HNRNPA2B1: variants seen among roughly 807,000 people sequenced by gnomAD.
HNRNPA2B1 encodes the protein heterogeneous nuclear ribonucleoproteins A2/B1.
HNRNPA2B1 carries 3 observed loss-of-function variants against 46.3 expected under a neutral mutation model. That is an observed-to-expected ratio of 0.06 (90% CI 0.03 to 0.17). The LOEUF (loss-of-function observed/expected upper bound fraction) is 0.17, where lower values mean the gene tolerates loss of function less well. Ranked by LOEUF, HNRNPA2B1 falls within the 10% of genes least tolerant of loss-of-function variation. HNRNPA2B1 has a pLI of 1.00. For missense variants in HNRNPA2B1, 221 were observed against 418.9 expected (o/e 0.53, Z 4.12); for synonymous variants, 225 against 133.8 (o/e 1.68, Z -4.70).
At chr7:26,195,791 A>G in intron 7 of HNRNPA2B1, 56 bp downstream of exon 7, 2 of 1,569,670 alleles carry the variant, frequency 1.3e-6, no homozygotes, top group South Asian at 1.2e-5. Context: ...AAGTAAATAT[A>G]CGATATAGTT....
intron 1 of HNRNPA2B1, chr7:26,198,814 C>G (rs1400077902): frequency 6.6e-6 from 1 of 152,196 alleles, no homozygotes; most frequent in Non-Finnish European, 1.5e-5. Context: ...AATTTTCAAT[C>G]AATTATTTTT....
intron 10 of HNRNPA2B1, 32 bp from the exon 11 acceptor site, chr7:26,192,370 A>AG: frequency 1.4e-6 from 1 of 701,324 alleles, no homozygotes; most frequent in East Asian, 2.5e-5. Context: ...GTAAAAAAAA[A>AG]ATAGGTTATG....
At chr7:26,195,699 T>C in intron 7 of HNRNPA2B1, 148 bp downstream of exon 7, 2 of 803,788 alleles carry the variant, frequency 2.5e-6, no homozygotes, top group East Asian at 2.9e-5. Context: ...ATGGCAAAAC[T>C]ACTTAGAAAT....
chr7:26,196,724 C>T (rs992152361), intron 4 of HNRNPA2B1, 66 bp from the exon 5 acceptor site: 17 of 1,568,136 alleles, frequency 1.1e-5, no homozygotes, highest in Non-Finnish European at 1.5e-5. Context: ...CAAAAGTTTA[C>T]CTTTCAATAA....
intron 7 of HNRNPA2B1, 70 bp from the exon 8 acceptor site, chr7:26,193,764 C>T: frequency 7.8e-7 from 1 of 1,278,606 alleles, no homozygotes; most frequent in Non-Finnish European, 1.1e-6. Context: ...CTCCTCACAT[C>T]CATTTCCAGC....
intron 6 of HNRNPA2B1, among the ~76,000 whole-genome samples, chr7:26,196,126 T>A (rs1783591756): frequency 6.6e-6 from 1 of 152,222 alleles, no homozygotes; most frequent in African/African-American, 2.4e-5. Flanking sequence ...AGAGATTCCA[T>A]CCTATTTATA....
intron 6 of HNRNPA2B1, among the ~76,000 whole-genome samples, 160 bp downstream of exon 6, chr7:26,196,238 ACTT>A (rs1356846901): frequency 1.3e-5 from 2 of 152,162 alleles, no homozygotes; most frequent in Non-Finnish European, 2.9e-5. Flanking sequence ...AACTCTATTA[ACTT>A]CTTGTCTGGC....
rs1783644634 is a variant in HNRNPA2B1, at chr7:26,196,420, A to G, written c.639T>C (p.Ser213=). The G allele has an allele frequency of 3.1e-6, 5 of 1,613,936 alleles. No individual in the cohort carries two copies. In the South Asian group the frequency reaches 5.5e-5, roughly 18 times the overall value. Residue 213 remains serine (S), a synonymous_variant, in exon 6 of 11, where the codon AGT becomes AGC. Coordinates refer to ENST00000618183, the MANE Select transcript of HNRNPA2B1 (RefSeq NM_002137.4). ...ACTCACCAGATCCTCCTCTAAAGTTACTTCCTGGTCCTGGTCCGAAATTTC... is the reference window on the plus strand; with the variant it reads ...ACTCACCAGATCCTCCTCTAAAGTTGCTTCCTGGTCCTGGTCCGAAATTTC... ...GGGNFGPGPG[S]NFRGGSDGYG...
chr7:26,197,148 A>AC, intron 3 of HNRNPA2B1, 131 bp from the exon 4 acceptor site: 1 of 1,110,630 alleles, frequency 9.0e-7, no homozygotes, highest in East Asian at 2.4e-5. Flanking sequence ...GCTTTTAGGG[A>AC]CCTAGCTTTT....
intron 9 of HNRNPA2B1, among the ~76,000 whole-genome samples, chr7:26,192,839 T>G (rs1783064174): frequency 6.6e-6 from 1 of 152,154 alleles, no homozygotes; most frequent in South Asian, 2.1e-4. Context: ...GGGATTTTTT[T>G]AAAAGTACAT....
At chr7:26,196,267 T>C (rs1783623737) in intron 6 of HNRNPA2B1, 134 bp downstream of exon 6, 1 of 715,494 alleles carries the variant, frequency 1.4e-6, no homozygotes, top group African/African-American at 1.8e-5. Flanking sequence ...CACAAGAGCT[T>C]GCCAGGATAC....
At position 26,191,575 on chromosome 7, in the gene HNRNPA2B1, T is replaced by C. The variant is rs1481629397; in HGVS notation, c.*785A>G. 1 of 152,246 alleles carries C rather than the reference T, an allele frequency of 6.6e-6. No individual in the cohort carries two copies. Among genetic ancestry groups the C allele is most frequent in the Non-Finnish European group, 1.5e-5 (1 of 68,034 alleles). The allele number at this position is 152,246 out of a possible 1,614,324, so 9.4% of individuals were successfully genotyped here. On this transcript the variant is annotated 3_prime_UTR_variant, in exon 11 of 11. Coordinates refer to ENST00000618183, the MANE Select transcript of HNRNPA2B1 (RefSeq NM_002137.4). ...GTAGCCGTCAAGAGTTCTCTTGTAC[T>C]AGACCTGTGTCCCTGAAGAGTACCT...
intron 6 of HNRNPA2B1, among the ~76,000 whole-genome samples, 186 bp downstream of exon 6, chr7:26,196,215 C>T (rs539910886): frequency 6.6e-6 from 1 of 152,196 alleles, no homozygotes; most frequent in Non-Finnish European, 1.5e-5. Context: ...ATAAATACAA[C>T]TGTTATTAAT....
intron 7 of HNRNPA2B1, chr7:26,195,590 A>G: frequency 2.1e-6 from 1 of 476,250 alleles, no homozygotes; most frequent in Non-Finnish European, 3.7e-6. Context: ...ATATATCTAG[A>G]TCCAATCATT....
chr7:26,191,901 C>A lies in HNRNPA2B1; in HGVS notation c.*459G>T, dbSNP rs1782953251. 1 of 152,618 alleles carries A rather than the reference C, an allele frequency of 6.6e-6. No individual in the cohort carries two copies. The highest frequency in any genetic ancestry group is 1.5e-5 in the Non-Finnish European group (1 of 68,042). 9.5% of individuals were successfully genotyped at this position (152,618 alleles called of 1,614,324 possible). A position where few individuals can be genotyped will look rare whatever the true frequency, so the allele number is the denominator to read the frequency against. ...TGTACAACAGCTTCTTAACTCTACA[C>A]ACGCACTTAAATTTTTTTAAAGGAA... On this transcript the variant is annotated 3_prime_UTR_variant, in exon 11 of 11. Transcript: ENST00000618183.
intron 1 of HNRNPA2B1, chr7:26,199,582 T>A (rs1784112044): frequency 6.6e-6 from 1 of 152,118 alleles, no homozygotes; most frequent in Admixed American, 6.5e-5. Context: ...CTCTACAACT[T>A]AAACGGAATC....
At chr7:26,197,805 T>C in intron 1 of HNRNPA2B1, 73 bp from the exon 2 acceptor site, 1 of 1,604,898 alleles carries the variant, frequency 6.2e-7, no homozygotes, top group Non-Finnish European at 8.5e-7. Flanking sequence ...AATTCTTAAA[T>C]ATGAGGTGAC....
intron 1 of HNRNPA2B1, 99 bp downstream of exon 1, chr7:26,200,473 C>T (rs1784304098): frequency 8.1e-7 from 1 of 1,229,562 alleles, no homozygotes. Context: ...GGTCCGATTT[C>T]CTGCCTCTCT....
chr7:26,193,707 AAGCCTTT>A lies in HNRNPA2B1; in HGVS notation c.722-20_722-14del. ...CCAAAATTGCCACCTATTATAAAAT[AAGCCTTT>A]AAGTAATCACTTAATATTTTCAATA... is the stretch of plus-strand genomic sequence containing the variant. On this transcript the variant is annotated splice_polypyrimidine_tract_variant and intron_variant, in intron 7 of 10. Coordinates refer to ENST00000618183, the MANE Select transcript of HNRNPA2B1 (RefSeq NM_002137.4). 1.9e-6 allele frequency: 3 copies of A among 1,605,670 alleles called. No individual in the cohort carries two copies. Among genetic ancestry groups the A allele is most frequent in the Non-Finnish European group, 2.6e-6 (3 of 1,174,472 alleles).
Sources: allele counts gnomAD v4.1 joint callset (sites outside exome capture counted in the v4.1 genomes callset), GRCh38; gene constraint gnomAD v4.1.1; transcripts MANE v1.5; gene names NCBI Gene and HGNC (gene_info 2026-07-23, HGNC 2026-07-21).